CAPN11: variants seen among roughly 807,000 people sequenced by gnomAD.
The protein encoded by CAPN11 is calpain 11, also known as calpain-11.
CAPN11 carries 108 observed loss-of-function variants against 105.3 expected under a neutral mutation model. The ratio of observed to expected loss-of-function variants is 1.03; its 90% CI spans 0.88 to 1.20. The LOEUF (loss-of-function observed/expected upper bound fraction) is 1.20. Among genes scored for constraint, CAPN11 ranks in the 50% most tolerant of loss-of-function variants. CAPN11 has a pLI of 0.00. For synonymous variants in CAPN11, 329 were observed against 344.5 expected, an observed-to-expected ratio of 0.96 and a Z score of 0.50; for missense variants, 883 against 924.8, an observed-to-expected ratio of 0.95 and a Z score of 0.59.
At chr6:44,167,858 G>T (rs1770222522) in intron 2 of CAPN11, among the ~76,000 whole-genome samples, 1 of 151,914 alleles carries the variant, frequency 6.6e-6, no homozygotes, top group Non-Finnish European at 1.5e-5. Flanking sequence ...CAAGGCTGCA[G>T]TGAGCCATGA....
intron 12 of CAPN11, among the ~76,000 whole-genome samples, chr6:44,179,302 AT>A (rs112784503): frequency 0.05 from 7,141 of 143,732 alleles, 318 homozygotes; most frequent in African/African-American, 0.13. Context: ...AGCTGAAGGA[AT>A]TTTTTTTTTT....
At chr6:44,168,517 C>T (rs373709338) in intron 2 of CAPN11, among the ~76,000 whole-genome samples, 1 of 152,040 alleles carries the variant, frequency 6.6e-6, no homozygotes, top group South Asian at 2.1e-4. Context: ...ATCCGCCCAC[C>T]TTGTTCTCCC....
chr6:44,162,055 A>G (rs1030607038), intron 1 of CAPN11: 6 of 369,322 alleles, frequency 1.6e-5, no homozygotes, highest in African/African-American at 1.3e-4. Context: ...CTCCCCTGAG[A>G]CCTGCCCCAG....
At chr6:44,167,841 A>G (rs1770220055) in intron 2 of CAPN11, among the ~76,000 whole-genome samples, 1 of 151,536 alleles carries the variant, frequency 6.6e-6, no homozygotes, top group African/African-American at 2.4e-5. Flanking sequence ...ATTTGAGCCC[A>G]GGAGGTCAAG....
intron 9 of CAPN11, 100 bp from the exon 10 acceptor site, chr6:44,176,481 C>T: frequency 1.5e-6 from 2 of 1,331,062 alleles, no homozygotes; most frequent in Admixed American, 1.8e-5. Flanking sequence ...AGCTCCGCAC[C>T]CCAGCAGGCA....
rs537101241 is a variant in CAPN11 at position 44,169,313 on chromosome 6, C to T, written c.121C>T (p.His41Tyr). The change falls in exon 3 of 23, where the codon CAC (histidine) becomes TAC (tyrosine). Residue 41 changes from histidine to tyrosine, a missense_variant. Physicochemically the swap from His to Tyr is moderately conservative, Grantham distance 83. Coordinates refer to ENST00000398776, the MANE Select transcript of CAPN11 (RefSeq NM_007058.4). ...TTTTACTGATACGGGAATGGTGGCT[C>T]ACATAAACAACAGCCGGCTCAAGGC... Reference protein sequence around the residue: ...PTFTDTGMVAHINNSRLKAKG... With the variant: ...PTFTDTGMVAYINNSRLKAKG... 2.5e-6 allele frequency: 4 copies of T among 1,612,626 alleles called. No individual in the cohort carries two copies. The East Asian group carries it at 8.9e-5, about 36-fold the overall frequency.
rs1774199154 is a variant in CAPN11 at position 44,183,985 on chromosome 6, T to C, written c.*53T>C. 8 of 1,547,648 alleles carry C rather than the reference T, an allele frequency of 5.2e-6. No individual in the cohort carries two copies. The highest frequency in any genetic ancestry group is 7.0e-6 in the Non-Finnish European group (8 of 1,143,840). On this transcript the variant is annotated 3_prime_UTR_variant, in exon 23 of 23. Transcript: ENST00000398776. ...ACCAGCAGCAGCAGCAGCGAGGTTC[T>C]AGCCCAGGAGGGTGGGGTGCTTCTT... is the stretch of plus-strand genomic sequence containing the variant.
At position 44,173,397 on chromosome 6, in the gene CAPN11, C is replaced by T. The variant is rs756359148; in HGVS notation, c.831+11C>T. ...GGTTGCTCCATTGAAGTAAGCAAAG[C>T]ATGGTCCCACCTCAGGGCCTTTGCA... On this transcript the variant is annotated intron_variant, in intron 7 of 22. Coordinates refer to ENST00000398776, the MANE Select transcript of CAPN11 (RefSeq NM_007058.4). The T allele has an allele frequency of 1.3e-6, 2 of 1,573,040 alleles. No homozygotes were observed. Among genetic ancestry groups the T allele is most frequent in the South Asian group, 2.3e-5 (2 of 88,742 alleles).
chr6:44,165,845 CA>C (rs1158153241), intron 1 of CAPN11, among the ~76,000 whole-genome samples: 15 of 152,076 alleles, frequency 9.9e-5, no homozygotes. Context: ...GTAAAGGGTT[CA>C]AAACCTCACT....
chr6:44,179,531 C>A, intron 12 of CAPN11, 88 bp from the exon 13 acceptor site: 1 of 1,169,462 alleles, frequency 8.6e-7, no homozygotes, highest in Non-Finnish European at 1.3e-6. Flanking sequence ...CACACAGACA[C>A]ACACTATACA....
Position 44,176,074 on chromosome 6 carries a change from A to G in CAPN11, c.838A>G (p.Ser280Gly), listed in dbSNP as rs1204048495. The change falls in exon 8 of 23, where the codon AGT becomes GGT. Residue 280 changes from serine to glycine, a missense_variant. Coordinates refer to ENST00000398776, the MANE Select transcript of CAPN11 (RefSeq NM_007058.4). The part of the protein sequence containing the change: ...SLMGCSIEVT[S>G]DSELESMTDK... ...CTCCCTCTCTGTTCTGTAGGTCACC[A>G]GTGATAGTGAACTGGAATCCATGAC... 1.2e-5 allele frequency: 19 copies of G among 1,609,388 alleles called. No homozygotes were observed. The highest frequency in any genetic ancestry group is 1.5e-5 in the Non-Finnish European group (18 of 1,177,066).
In CAPN11 at chr6:44,177,396, G is replaced by C. The variant is rs751377623; in HGVS notation, c.1392G>C (p.Gln464His). 1 of 1,613,516 alleles carries C rather than the reference G, an allele frequency of 6.2e-7. No individual in the cohort carries two copies. Among genetic ancestry groups the C allele is most frequent in the East Asian group, 2.2e-5 (1 of 44,884 alleles). Residue 464 changes from glutamine to histidine, a missense_variant, in exon 12 of 23, where the codon CAG becomes CAC. Physicochemically the swap from Gln to His is conservative, Grantham distance 24. Transcript: ENST00000398776. The part of the protein sequence containing the change: ...RHARQQGAQL[Q>H]TIGFVLYAVP... ...CACGGCAGCAGGGAGCCCAGCTGCA[G>C]ACCATTGGCTTTGTCCTCTACGCGG...
At chr6:44,172,889 G>A (rs1771261075) in intron 5 of CAPN11, 51 bp from the exon 6 acceptor site, 2 of 1,591,276 alleles carry the variant, frequency 1.3e-6, no homozygotes, top group South Asian at 1.1e-5. Context: ...CCACTAGGAG[G>A]CGCTTGATGA....
intron 22 of CAPN11, 63 bp downstream of exon 22, chr6:44,183,826 C>A (rs1774173088): frequency 6.3e-7 from 1 of 1,577,856 alleles, no homozygotes; most frequent in African/African-American, 1.3e-5. Context: ...CAACCCCACC[C>A]CCACCCAGCT....
chr6:44,177,299 A>G lies in CAPN11; in HGVS notation c.1295A>G (p.Glu432Gly). ...KISLPEGDDPEDDAEGNVVVC... is the reference protein window; with the variant it reads ...KISLPEGDDPGDDAEGNVVVC... ...TCTCTTCCTGAGGGGGATGACCCAG[A>G]GGATGACGCAGAGGGCAATGTTGTG... Residue 432 changes from glutamate to glycine, a missense_variant, in exon 12 of 23, where the codon GAG (glutamate) becomes GGG (glycine). Physicochemically the swap from Glu to Gly is moderately conservative, Grantham distance 98. Coordinates refer to ENST00000398776, the MANE Select transcript of CAPN11 (RefSeq NM_007058.4). 1.2e-6 allele frequency: 2 copies of G among 1,613,276 alleles called. No homozygotes were observed. The highest frequency in any genetic ancestry group is 2.2e-5 in the East Asian group (1 of 44,872).
chr6:44,168,782 G>A (rs1046247870), intron 2 of CAPN11, among the ~76,000 whole-genome samples: 6 of 151,530 alleles, frequency 4.0e-5, no homozygotes, highest in African/African-American at 1.2e-4. Context: ...CCCACACCCG[G>A]CTAATTTTTT....
chr6:44,177,826 C>T (rs1197316876), intron 12 of CAPN11, among the ~76,000 whole-genome samples: 2 of 152,060 alleles, frequency 1.3e-5, no homozygotes, highest in Non-Finnish European at 2.9e-5. Flanking sequence ...CACTTCCTGC[C>T]TGGGAGAGGG....
chr6:44,181,234 T>C lies in CAPN11; in HGVS notation c.1870-18T>C. ...TGCCTTCTTCACTCCTTCTCTGCTG[T>C]CCTTGACCACCTTCCAGAAAGATGG... On this transcript the variant is annotated intron_variant, in intron 18 of 22. Coordinates refer to ENST00000398776, the MANE Select transcript of CAPN11 (RefSeq NM_007058.4). 1.2e-6 allele frequency: 2 copies of C among 1,612,974 alleles called. No individual in the cohort carries two copies. The highest frequency in any genetic ancestry group is 1.7e-6 in the Non-Finnish European group (2 of 1,179,120).
intron 12 of CAPN11, 73 bp downstream of exon 12, chr6:44,177,493 T>TC: frequency 2.5e-6 from 2 of 786,804 alleles, no homozygotes; most frequent in Non-Finnish European, 3.5e-6. Flanking sequence ...TCTTTCTTTC[T>TC]TTTTTTTTTT....
Sources: allele counts gnomAD v4.1 joint callset (sites outside exome capture counted in the v4.1 genomes callset), GRCh38; gene constraint gnomAD v4.1.1; transcripts MANE v1.5; gene names NCBI Gene and HGNC (gene_info 2026-07-23, HGNC 2026-07-21).